The following ITIH5 variants were observed in gnomAD, a reference collection of about 807,000 sequenced individuals.
ITIH5 encodes the protein inter-alpha-trypsin inhibitor heavy chain 5, also known as inter-alpha-trypsin inhibitor heavy chain H5.
Under a neutral mutation model 77.5 loss-of-function variants are expected in ITIH5, and 65 were observed. The ratio of observed to expected loss-of-function variants is 0.84; its 90% CI spans 0.69 to 1.03. The LOEUF (loss-of-function observed/expected upper bound fraction) is 1.03. ITIH5 is among the 50% of genes least tolerant of loss of function. The pLI is 0.00. For missense variants in ITIH5, 1,208 were observed against 1,213.1 expected, an observed-to-expected ratio of 1.00 and a Z score of 0.06; for synonymous variants, 525 against 494.3, an observed-to-expected ratio of 1.06 and a Z score of -0.82.
At chr10:7,583,091 T>A (rs1832600549) in intron 8 of ITIH5, among the ~76,000 whole-genome samples, 6 of 152,154 alleles carry the variant, frequency 3.9e-5, no homozygotes, top group Non-Finnish European at 8.8e-5. Context: ...AAATACCTCA[T>A]ATACCCCATA....
At chr10:7,574,569 G>A (rs568594972) in intron 10 of ITIH5, among the ~76,000 whole-genome samples, 65 of 152,202 alleles carry the variant, frequency 4.3e-4, no homozygotes, top group Non-Finnish European at 7.1e-4. Flanking sequence ...CCAGGTGGGC[G>A]GATCACAAGG....
chr10:7,649,658 T>C (rs1352821712), intron 2 of ITIH5, among the ~76,000 whole-genome samples: 1 of 152,116 alleles, frequency 6.6e-6, no homozygotes, highest in Admixed American at 6.6e-5. Flanking sequence ...TATTTACATG[T>C]GGTGAAAGAG....
chr10:7,594,883 T>C (rs1832863991), intron 7 of ITIH5, among the ~76,000 whole-genome samples: 1 of 152,160 alleles, frequency 6.6e-6, no homozygotes, highest in African/African-American at 2.4e-5. Context: ...GGGGCACCTG[T>C]GGGCCTCACT....
chr10:7,636,790 A>G (rs756895647), intron 5 of ITIH5, among the ~76,000 whole-genome samples: 1 of 152,144 alleles, frequency 6.6e-6, no homozygotes, highest in South Asian at 2.1e-4. Flanking sequence ...GCGCTGGCTC[A>G]CACCTGTAAT....
intron 2 of ITIH5, among the ~76,000 whole-genome samples, chr10:7,643,765 C>T (rs1031817306): frequency 6.6e-6 from 1 of 152,204 alleles, no homozygotes; most frequent in Admixed American, 6.5e-5. Context: ...CTATCAAAGA[C>T]ATATTCCTGC....
intron 2 of ITIH5, among the ~76,000 whole-genome samples, chr10:7,651,609 AAATAAT>A (rs113525747): frequency 5.9e-5 from 9 of 151,334 alleles, no homozygotes; most frequent in African/African-American, 4.9e-5. Flanking sequence ...CTCTGTCTCA[AAATAAT>A]AATAATAATA....
chr10:7,628,819 ATGTTGTAGCGTGTGTCCC>A (rs1225785119), intron 5 of ITIH5, among the ~76,000 whole-genome samples: 5,883 of 106,290 alleles, frequency 0.055, 856 homozygotes, highest in Non-Finnish European at 0.077. Context: ...GCATGTGTCC[ATGTTGTAGCGTGTGTCCC>A]TGTTGTAGCG....
chr10:7,611,559 C>T (rs1365668211), intron 7 of ITIH5, among the ~76,000 whole-genome samples: 4 of 152,188 alleles, frequency 2.6e-5, no homozygotes, highest in Admixed American at 6.6e-5. Context: ...ACCTGAGATG[C>T]ATTTCTTTAA....
At chr10:7,570,010 A>C (rs1832265958) in intron 11 of ITIH5, 1 of 445,388 alleles carries the variant, frequency 2.2e-6, no homozygotes, top group Non-Finnish European at 4.0e-6. Context: ...AGGTCTTCTA[A>C]ATTCCAATAT....
At chr10:7,585,202 G>C (rs4749036) in intron 8 of ITIH5, among the ~76,000 whole-genome samples, 45,018 of 152,068 alleles carry the variant, frequency 0.3, 7,087 homozygotes, top group East Asian at 0.49. Flanking sequence ...TGTGTCCACT[G>C]TACTGTTGAT....
chr10:7,611,604 A>G (rs1283389723), intron 7 of ITIH5, among the ~76,000 whole-genome samples: 1 of 152,130 alleles, frequency 6.6e-6, no homozygotes, highest in East Asian at 1.9e-4. Flanking sequence ...TCATAATTTT[A>G]TCAAATCATC....
intron 2 of ITIH5, among the ~76,000 whole-genome samples, chr10:7,653,631 G>T (rs1237329244): frequency 2.0e-5 from 3 of 152,194 alleles, no homozygotes; most frequent in Non-Finnish European, 2.9e-5. Context: ...GAAATAAATT[G>T]AGAGTTCATC....
intron 5 of ITIH5, among the ~76,000 whole-genome samples, chr10:7,623,687 C>T (rs1296790372): frequency 6.6e-6 from 1 of 151,134 alleles, no homozygotes; most frequent in Non-Finnish European, 1.5e-5. Flanking sequence ...CCTGTAGTCC[C>T]AGCTACTCAG....
chr10:7,662,321 C>A (rs531395824), intron 1 of ITIH5, among the ~76,000 whole-genome samples: 1 of 151,680 alleles, frequency 6.6e-6, no homozygotes, highest in East Asian at 1.9e-4. Flanking sequence ...CATGCCACTG[C>A]GCTCCAGCCT....
intron 1 of ITIH5, among the ~76,000 whole-genome samples, chr10:7,660,101 A>C (rs1050198723): frequency 1.3e-5 from 2 of 152,220 alleles, no homozygotes; most frequent in African/African-American, 4.8e-5. Flanking sequence ...AGAACAGAAG[A>C]TATCCAGACC....
intron 1 of ITIH5, among the ~76,000 whole-genome samples, chr10:7,664,652 C>G (rs1357230333): frequency 2.0e-5 from 3 of 152,182 alleles, no homozygotes; most frequent in Non-Finnish European, 4.4e-5. Context: ...GAACTTGAAT[C>G]TAAGGTGTTA....
chr10:7,575,364 C>T (rs1242409064), intron 10 of ITIH5, among the ~76,000 whole-genome samples: 1 of 152,182 alleles, frequency 6.6e-6, no homozygotes, highest in Non-Finnish European at 1.5e-5. Context: ...GCTTTCTCCA[C>T]ACCCAGGTCC....
intron 7 of ITIH5, among the ~76,000 whole-genome samples, chr10:7,602,059 G>A (rs1489648104): frequency 6.6e-6 from 1 of 152,012 alleles, no homozygotes; most frequent in Non-Finnish European, 1.5e-5. Flanking sequence ...TCACCATGTT[G>A]GCCAGGCTGG....
intron 8 of ITIH5, among the ~76,000 whole-genome samples, chr10:7,583,070 T>C (rs1218988466): frequency 1.3e-5 from 2 of 152,190 alleles, no homozygotes; most frequent in Non-Finnish European, 2.9e-5. Flanking sequence ...ACACAATGTA[T>C]GCCTGTATCA....
Sources: gnomAD v4.1 joint callset for allele counts (sites outside exome capture counted in the v4.1 genomes callset) on GRCh38, gnomAD v4.1.1 for gene constraint, MANE v1.5 for transcripts, NCBI Gene and HGNC (gene_info 2026-07-23, HGNC 2026-07-21) for gene names.